The following TNS3 variants were observed in gnomAD, a reference collection of about 807,000 sequenced individuals.
The protein encoded by TNS3 is tensin-3.
A neutral mutation model predicts 140.9 loss-of-function variants in TNS3; 45 were observed. The observed-to-expected ratio is 0.32, with a 90% CI of 0.25 to 0.41. The LOEUF (loss-of-function observed/expected upper bound fraction) is 0.41, where lower values mean the gene tolerates loss of function less well. Among genes scored for constraint, TNS3 ranks in the 10% least tolerant of loss-of-function variants. The pLI is 1.00. For synonymous variants in TNS3, 815 were observed against 788.4 expected, an observed-to-expected ratio of 1.03 and a Z score of -0.56; for missense variants, 1,716 against 1,906.7, an observed-to-expected ratio of 0.90 and a Z score of 1.86.
intron 4 of TNS3, among the ~76,000 whole-genome samples, chr7:47,462,365 A>G (rs936801750): frequency 5.3e-5 from 8 of 152,176 alleles, no homozygotes; most frequent in African/African-American, 1.4e-4. Context: ...CTGCTGAGCA[A>G]GGAACCCTTA....
intron 1 of TNS3, among the ~76,000 whole-genome samples, chr7:47,572,232 G>A (rs780751381): frequency 2.6e-5 from 4 of 152,224 alleles, no homozygotes; most frequent in African/African-American, 7.2e-5. Context: ...CCTCCAGGGC[G>A]TTCTGAGAAG....
intron 16 of TNS3, among the ~76,000 whole-genome samples, chr7:47,389,278 G>A (rs1792367783): frequency 6.6e-6 from 1 of 152,014 alleles, no homozygotes; most frequent in Non-Finnish European, 1.5e-5. Context: ...GCATGCACAG[G>A]ACACCCCGTC....
chr7:47,284,312 T>C (rs996880764), intron 27 of TNS3, among the ~76,000 whole-genome samples: 3 of 152,134 alleles, frequency 2.0e-5, no homozygotes, highest in African/African-American at 7.2e-5. Flanking sequence ...GAAACAACCA[T>C]GAGGGAAGCA....
In TNS3 at chr7:47,312,155, T is replaced by C. The variant is rs111743362; in HGVS notation, c.2651-7152A>G. On this transcript the variant is annotated intron_variant, in intron 20 of 30. Coordinates refer to ENST00000311160, the MANE Select transcript of TNS3 (RefSeq NM_022748.12). Reference sequence around the variant, plus strand: ...GTGTCATGAATACATGTGCACGTTTTCTGCTATGACTGACCTGTAAATCCA... The same window carrying C: ...GTGTCATGAATACATGTGCACGTTTCCTGCTATGACTGACCTGTAAATCCA... Among the ~76,000 whole-genome samples the C allele has an allele frequency of 8.0e-3, 1,220 of 152,324 alleles. 15 individuals carry two copies. Among genetic ancestry groups the C allele is most frequent in the African/African-American group, 0.027 (1,142 of 41,556 alleles).
chr7:47,388,782 G>T (rs1792220704), intron 16 of TNS3, among the ~76,000 whole-genome samples: 1 of 151,992 alleles, frequency 6.6e-6, no homozygotes, highest in African/African-American at 2.4e-5. Flanking sequence ...AGGGACAACT[G>T]CTTGAACCCG....
At chr7:47,401,405 T>G (rs1793156161) in intron 13 of TNS3, among the ~76,000 whole-genome samples, 1 of 152,232 alleles carries the variant, frequency 6.6e-6, no homozygotes, top group African/African-American at 2.4e-5. Flanking sequence ...GTCATTACTG[T>G]GTGTACTATC....
chr7:47,346,391 T>C, intron 17 of TNS3, 35 bp from the exon 18 acceptor site: 1 of 1,611,022 alleles, frequency 6.2e-7, no homozygotes, highest in Non-Finnish European at 8.5e-7. Flanking sequence ...TGCAGGGCGC[T>C]TCCTCAAGGC....
At chr7:47,443,911 A>G (rs1416045000) in intron 4 of TNS3, among the ~76,000 whole-genome samples, 1 of 152,190 alleles carries the variant, frequency 6.6e-6, no homozygotes, top group African/African-American at 2.4e-5. Flanking sequence ...ACAGAGCAAG[A>G]CTCTGTCCCA....
At position 47,304,841 on chromosome 7, in the gene TNS3, C is replaced by T; in HGVS notation, c.2813G>A (p.Arg938Lys). The T allele has an allele frequency of 1.5e-6, 2 of 1,373,096 alleles. No individual in the cohort carries two copies. The highest frequency in any genetic ancestry group is 9.5e-7 in the Non-Finnish European group (1 of 1,052,720). The allele number at this position is 1,373,096 out of a possible 1,614,324, so 85.1% of individuals were successfully genotyped here. The change falls in exon 21 of 31, where the codon AGG becomes AAG. Residue 938 changes from arginine to lysine, a missense_variant. Physicochemically the swap from Arg to Lys is conservative, Grantham distance 26 (BLOSUM62 2). Transcript: ENST00000311160. The part of the protein sequence containing the change: ...CTISSNGPGQ[R>K]RESSSSAERQ... Reference sequence around the variant, plus strand: ...AGATCCATCTTCTTACCTCTCTCTCCTCTGCCCAGGGCCGTTGCTGGAAAT... The same window carrying T: ...AGATCCATCTTCTTACCTCTCTCTCTTCTGCCCAGGGCCGTTGCTGGAAAT...
intron 1 of TNS3, chr7:47,579,798 A>G (rs1317919888): frequency 1.9e-5 from 19 of 980,690 alleles, no homozygotes; most frequent in Middle Eastern, 5.2e-4. Context: ...AAGCAGATAT[A>G]AGCTGCGACT....
chr7:47,526,323 T>C (rs2151932953), intron 2 of TNS3, among the ~76,000 whole-genome samples: 1 of 152,184 alleles, frequency 6.6e-6, no homozygotes, highest in East Asian at 1.9e-4. Context: ...TCTAAGGAGC[T>C]CCCCCACTGG....
chr7:47,313,964 A>T (rs188492375), intron 20 of TNS3, among the ~76,000 whole-genome samples: 37 of 152,316 alleles, frequency 2.4e-4, no homozygotes, highest in African/African-American at 8.4e-4. Context: ...TATTTGGAGA[A>T]GGGGCTGCTC....
intron 1 of TNS3, among the ~76,000 whole-genome samples, chr7:47,542,774 C>G (rs963741228): frequency 6.6e-6 from 1 of 151,802 alleles, no homozygotes; most frequent in Non-Finnish European, 1.5e-5. Context: ...ACTAAAGATA[C>G]AAAAAATTAG....
chr7:47,529,211 A>T lies in TNS3; in HGVS notation c.-264-64T>A, dbSNP rs1185883096. ...CATAGTTTGTTTCTTTTTCCTTTTC[A>T]TTTAAGGGAAATAATAAATCTAGTG... On this transcript the variant is annotated intron_variant, in intron 1 of 30. Transcript: ENST00000311160. The T allele has an allele frequency of 4.5e-6, 4 of 897,234 alleles. No homozygotes were observed. The East Asian group carries it at 2.6e-4, about 58-fold the overall frequency. 55.6% of individuals were successfully genotyped at this position (897,234 alleles called of 1,614,324 possible).
chr7:47,435,699 C>T (rs528659537), intron 7 of TNS3, among the ~76,000 whole-genome samples: 23 of 152,172 alleles, frequency 1.5e-4, no homozygotes, highest in African/African-American at 3.4e-4. Context: ...GTTGTGTGGA[C>T]GGGGCTGCAG....
At chr7:47,545,778 CT>C (rs1005880999) in intron 1 of TNS3, among the ~76,000 whole-genome samples, 2 of 152,242 alleles carry the variant, frequency 1.3e-5, no homozygotes, top group Non-Finnish European at 2.9e-5. Context: ...ACATCTGGAA[CT>C]GTGGGTAATG....
rs773176909 is a variant in TNS3 at position 47,346,256 on chromosome 7, T to C, written c.2382A>G (p.Ala794=). 7.4e-6 allele frequency: 12 copies of C among 1,614,070 alleles called. No homozygotes were observed. The highest frequency in any genetic ancestry group is 1.1e-5 in the South Asian group (1 of 91,090). Residue 794 remains alanine, a synonymous_variant, in exon 18 of 31, where the codon GCA becomes GCG. Transcript: ENST00000311160. ...CATAGTCCACACCAGCCTTTCCCCATGCACATTTGGAGAAGGGCAGCTGCC... is the reference window on the plus strand; with the variant it reads ...CATAGTCCACACCAGCCTTTCCCCACGCACATTTGGAGAAGGGCAGCTGCC... The part of the protein sequence containing the change: ...AGGQLPFSKC[A]WGKAGVDYAP...
intron 28 of TNS3, 94 bp downstream of exon 28, chr7:47,283,603 T>C: frequency 8.0e-7 from 1 of 1,256,064 alleles, no homozygotes; most frequent in Non-Finnish European, 1.0e-6. Context: ...CGGCTAATGA[T>C]TTACCTGGAT....
chr7:47,579,377 C>T (rs1281577740), intron 1 of TNS3: 1 of 152,110 alleles, frequency 6.6e-6, no homozygotes, highest in African/African-American at 2.4e-5. Context: ...ATGATAGCTC[C>T]TGCTGCATGG....
Sources: gnomAD v4.1 joint callset for allele counts (sites outside exome capture counted in the v4.1 genomes callset) on GRCh38, gnomAD v4.1.1 for gene constraint, MANE v1.5 for transcripts, NCBI Gene and HGNC (gene_info 2026-07-23, HGNC 2026-07-21) for gene names.